The following ZRANB3 variants were observed in gnomAD, a reference collection of about 807,000 sequenced individuals.
ZRANB3 encodes zinc finger RANBP2-type containing 3.
ZRANB3 carries 125 observed loss-of-function variants against 133.8 expected under a neutral mutation model. That is an observed-to-expected ratio of 0.93 (90% CI 0.81 to 1.08). ZRANB3 has a LOEUF of 1.08. Ranked by LOEUF, ZRANB3 falls within the 50% of genes least tolerant of loss-of-function variation. The pLI is 0.00. For missense variants in ZRANB3, 1,229 were observed against 1,275.5 expected, an observed-to-expected ratio of 0.96 and a Z score of 0.56; for synonymous variants, 387 against 432.7, an observed-to-expected ratio of 0.89 and a Z score of 1.31.
chr2:135,313,419 A>T, intron 8 of ZRANB3, 70 bp downstream of exon 8: 1 of 990,496 alleles, frequency 1.0e-6, no homozygotes. Context: ...TAACTTGCTT[A>T]ATTAAAAACA....
intron 2 of ZRANB3, among the ~76,000 whole-genome samples, chr2:135,421,757 C>G (rs958806883): frequency 2.0e-5 from 3 of 152,024 alleles, no homozygotes; most frequent in African/African-American, 7.2e-5. Context: ...AGTACGGTGG[C>G]CTTTTAGCCC....
chr2:135,345,028 A>C (rs998244083), intron 6 of ZRANB3: 4 of 152,394 alleles, frequency 2.6e-5, no homozygotes, highest in African/African-American at 9.6e-5. Flanking sequence ...CTTAGTTTTT[A>C]CTTTTGTATA....
intron 3 of ZRANB3, among the ~76,000 whole-genome samples, chr2:135,390,539 A>C (rs1370802029): frequency 6.6e-6 from 1 of 152,188 alleles, no homozygotes; most frequent in Non-Finnish European, 1.5e-5. Context: ...AAACTCATTC[A>C]TGCATCCTAG....
At chr2:135,382,671 C>G (rs369188804) in intron 3 of ZRANB3, among the ~76,000 whole-genome samples, 7 of 152,078 alleles carry the variant, frequency 4.6e-5, no homozygotes, top group African/African-American at 7.3e-5. Context: ...CCAGAAGAGA[C>G]TGGGGGCCAA....
At chr2:135,224,024 C>CA (rs1217617285) in intron 15 of ZRANB3, among the ~76,000 whole-genome samples, 1 of 152,092 alleles carries the variant, frequency 6.6e-6, no homozygotes, top group African/African-American at 2.4e-5. Context: ...ATTATTTTAA[C>CA]AATTTTTAAT....
Position 135,217,589 on chromosome 2 carries a change from C to T in ZRANB3, c.2371G>A (p.Glu791Lys), listed in dbSNP as rs766286045. 7 of 1,611,420 alleles carry T rather than the reference C, an allele frequency of 4.3e-6. No individual in the cohort carries two copies. In the East Asian group the frequency reaches 1.6e-4, roughly 36 times the overall value. Residue 791 changes from glutamate (E) to lysine (K), a missense_variant, in exon 17 of 21, where the codon GAA becomes AAA. Physicochemically the swap from Glu to Lys is moderately conservative, Grantham distance 56. Transcript: ENST00000264159. Reference protein sequence around the residue: ...YRSLILRFVREWSSLTAMKQR... With the variant: ...YRSLILRFVRKWSSLTAMKQR... ...TTCATGGCAGTTAGACTACTCCATT[C>T]TCGAACAAATCTCAAAATCTGGCAG...
At position 135,485,184 on chromosome 2, in the gene ZRANB3, A is replaced by AT. The variant is rs59521401; in HGVS notation, c.161+19144_161+19145insA. 3.9e-3 allele frequency among the ~76,000 whole-genome samples: 574 copies of AT among 149,032 alleles called. 4 individuals carry two copies. The highest frequency in any genetic ancestry group is 0.036 in the East Asian group (180 of 5,014). On this transcript the variant is annotated intron_variant, in intron 2 of 20. Coordinates refer to ENST00000264159, the MANE Select transcript of ZRANB3 (RefSeq NM_032143.4). ...AAAACAAAACAAAACAAAACAAAAC[A>AT]AAACATAACATAACATAACATAACA...
At chr2:135,467,601 T>C (rs1574148571) in intron 2 of ZRANB3, among the ~76,000 whole-genome samples, 1 of 152,246 alleles carries the variant, frequency 6.6e-6, no homozygotes. Flanking sequence ...CCTTCTTTCA[T>C]CTGTACTTTC....
rs1684238491 is a variant in ZRANB3 at position 135,333,391 on chromosome 2, C to T, written c.677+12159G>A. 3.3e-5 allele frequency among the ~76,000 whole-genome samples: 5 copies of T among 152,064 alleles called. No individual in the cohort carries two copies. The South Asian group carries it at 6.2e-4, about 19-fold the overall frequency. ...GGGAAAGTACAAAACAATGTTTATGCTTATATTACAATCTTTTTAAAACAA... is the reference window on the plus strand; with the variant it reads ...GGGAAAGTACAAAACAATGTTTATGTTTATATTACAATCTTTTTAAAACAA... On this transcript the variant is annotated intron_variant, in intron 6 of 20. Transcript: ENST00000264159.
At chr2:135,522,247 T>C (rs1319794356) in intron 1 of ZRANB3, among the ~76,000 whole-genome samples, 2 of 152,216 alleles carry the variant, frequency 1.3e-5, no homozygotes, top group Non-Finnish European at 2.9e-5. Context: ...CACTGATTAA[T>C]CCTTTTCCTC....
chr2:135,247,283 C>G (rs1200311057), intron 12 of ZRANB3, among the ~76,000 whole-genome samples: 1 of 152,026 alleles, frequency 6.6e-6, no homozygotes, highest in African/African-American at 2.4e-5. Context: ...TCAAAGGAGA[C>G]AGAGTGACAC....
rs1040629014 is a variant in ZRANB3, at chr2:135,363,403, T to C, written c.181-9775A>G. On this transcript the variant is annotated intron_variant, in intron 3 of 20. Transcript: ENST00000264159. The stretch of plus-strand genomic sequence containing the variant: ...TTAACTATAATGGGAACTGCTCACA[T>C]GCATATGTATTATTCATTCAACAGT... Among the ~76,000 whole-genome samples the C allele has an allele frequency of 2.6e-5, 4 of 152,208 alleles. 1 individual carries two copies. Among genetic ancestry groups the C allele is most frequent in the African/African-American group, 9.6e-5 (4 of 41,454 alleles).
chr2:135,419,787 G>T (rs1263265122), intron 2 of ZRANB3, among the ~76,000 whole-genome samples: 1 of 151,076 alleles, frequency 6.6e-6, no homozygotes, highest in Non-Finnish European at 1.5e-5. Context: ...AGAATACCCA[G>T]AAGTATTATT....
At chr2:135,321,474 ATTTTT>A (rs34493241) in intron 6 of ZRANB3, among the ~76,000 whole-genome samples, 1 of 134,016 alleles carries the variant, frequency 7.5e-6, no homozygotes, top group Non-Finnish European at 1.6e-5. Context: ...GAGTTTTGGG[ATTTTT>A]TTTTTTTTTT....
chr2:135,259,871 C>T (rs970183797), intron 12 of ZRANB3, among the ~76,000 whole-genome samples: 18 of 151,770 alleles, frequency 1.2e-4, no homozygotes, highest in South Asian at 4.2e-4. Flanking sequence ...GGGGCTTAGA[C>T]GCCATCTAGT....
At chr2:135,394,886 G>A (rs1270164588) in intron 2 of ZRANB3, among the ~76,000 whole-genome samples, 1 of 147,306 alleles carries the variant, frequency 6.8e-6, no homozygotes, top group Non-Finnish European at 1.5e-5. Flanking sequence ...TTGGGAGGCT[G>A]AGGCAGGATT....
chr2:135,221,021 T>C (rs910445487), intron 15 of ZRANB3, among the ~76,000 whole-genome samples: 3 of 151,892 alleles, frequency 2.0e-5, no homozygotes, highest in Admixed American at 1.3e-4. Flanking sequence ...CATGCCCAGA[T>C]AATTTTTGTA....
chr2:135,483,341 C>A (rs371781520), intron 2 of ZRANB3, among the ~76,000 whole-genome samples: 1 of 152,154 alleles, frequency 6.6e-6, no homozygotes, highest in Non-Finnish European at 1.5e-5. Context: ...CTGGTCTAGT[C>A]TTGGGAGAGT....
intron 1 of ZRANB3, among the ~76,000 whole-genome samples, chr2:135,519,165 T>C (rs915436820): frequency 2.0e-5 from 3 of 152,126 alleles, no homozygotes; most frequent in Non-Finnish European, 4.4e-5. Flanking sequence ...ACATGAGGGA[T>C]CCTCCTGGGA....
Sources: gnomAD v4.1 joint callset for allele counts (sites outside exome capture counted in the v4.1 genomes callset) on GRCh38, gnomAD v4.1.1 for gene constraint, MANE v1.5 for transcripts, NCBI Gene and HGNC (gene_info 2026-07-23, HGNC 2026-07-21) for gene names.